Variants in GUCY1A1 observed in about 807,000 individuals in gnomAD.
GUCY1A1 encodes the protein guanylate cyclase soluble subunit alpha-1.
A neutral mutation model predicts 64.5 loss-of-function variants in GUCY1A1; 48 were observed. That is an observed-to-expected ratio of 0.74 (90% CI 0.59 to 0.95). The LOEUF (loss-of-function observed/expected upper bound fraction) is 0.95, where lower values mean the gene tolerates loss of function less well. GUCY1A1 is among the 40% of genes least tolerant of loss of function. The pLI, the probability that GUCY1A1 is intolerant of heterozygous loss-of-function variation, is 0.00. For missense variants in GUCY1A1, 804 were observed against 825.3 expected (o/e 0.97, Z 0.32); for synonymous variants, 308 against 303.4 (o/e 1.02, Z -0.16).
intron 2 of GUCY1A1, 135 bp from the exon 3 acceptor site, chr4:155,696,621 T>C (rs1730443074): frequency 2.6e-6 from 1 of 388,040 alleles, no homozygotes; most frequent in Non-Finnish European, 4.6e-6. Flanking sequence ...CTGCTCATTT[T>C]ATAATTGGCA....
At position 155,710,559 on chromosome 4, in the gene GUCY1A1, A is replaced by T. The variant is rs533029497; in HGVS notation, c.394A>T (p.Ile132Phe). Residue 132 changes from isoleucine (I) to phenylalanine (F), a missense_variant, in exon 6 of 10, where the codon ATC becomes TTC. By Grantham distance (21) the Ile-to-Phe change is conservative. Coordinates refer to ENST00000506455, the MANE Select transcript of GUCY1A1 (RefSeq NM_001130682.3). ...AVAAGVPVEV[I>F]KESLGEEVFK... ...GATTTCAGGAGTTCCAGTGGAGGTTATCAAAGAATCTCTTGGTGAAGAGGT... is the reference window on the plus strand; with the variant it reads ...GATTTCAGGAGTTCCAGTGGAGGTTTTCAAAGAATCTCTTGGTGAAGAGGT... 14 of 1,598,308 alleles carry T rather than the reference A, an allele frequency of 8.8e-6. No homozygotes were observed. Among genetic ancestry groups the T allele is most frequent in the African/African-American group, 2.7e-5 (2 of 74,240 alleles).
chr4:155,730,006 A>T, intron 9 of GUCY1A1, 24 bp from the exon 10 acceptor site: 1 of 1,366,156 alleles, frequency 7.3e-7, no homozygotes, highest in Non-Finnish European at 1.0e-6. Flanking sequence ...CATTTATGTC[A>T]GTATTATATT....
intron 4 of GUCY1A1, among the ~76,000 whole-genome samples, chr4:155,705,138 G>A (rs1335006328): frequency 1.3e-5 from 2 of 152,312 alleles, no homozygotes; most frequent in East Asian, 1.9e-4. Flanking sequence ...GCATTCACCC[G>A]CGTTGGCCTC....
At chr4:155,697,804 C>T (rs138385111) in intron 3 of GUCY1A1, among the ~76,000 whole-genome samples, 204 of 152,260 alleles carry the variant, frequency 1.3e-3, no homozygotes, top group African/African-American at 4.8e-3. Context: ...ATCTAGAGCA[C>T]CTTCTGTCAA....
At chr4:155,679,915 C>T (rs962422711) in intron 2 of GUCY1A1, among the ~76,000 whole-genome samples, 1 of 152,134 alleles carries the variant, frequency 6.6e-6, no homozygotes, top group African/African-American at 2.4e-5. Flanking sequence ...TCTCATTGAT[C>T]TCTTTGTCAC....
At chr4:155,702,143 T>C (rs1731168647) in intron 3 of GUCY1A1, among the ~76,000 whole-genome samples, 1 of 152,154 alleles carries the variant, frequency 6.6e-6, no homozygotes, top group Non-Finnish European at 1.5e-5. Flanking sequence ...GCTTCTGTTG[T>C]AATGGAAGAG....
chr4:155,684,979 T>A (rs1036300668), intron 2 of GUCY1A1, among the ~76,000 whole-genome samples: 1 of 152,170 alleles, frequency 6.6e-6, no homozygotes, highest in Non-Finnish European at 1.5e-5. Context: ...CCAGATTACA[T>A]TTTTTAGTAG....
chr4:155,713,639 C>T, intron 7 of GUCY1A1, 56 bp downstream of exon 7: 1 of 1,572,506 alleles, frequency 6.4e-7, no homozygotes, highest in Non-Finnish European at 8.7e-7. Context: ...GGGGAACAAG[C>T]ACTGTGCCTA....
Position 155,733,948 on chromosome 4 carries a change from G to A in GUCY1A1, c.*3717G>A, listed in dbSNP as rs1371956072. ...TTACCATAAGTATGAGCATAAAGCT[G>A]GGATGTCTGGCATTGGAATTTTATG... On this transcript the variant is annotated 3_prime_UTR_variant, in exon 10 of 10. Coordinates refer to ENST00000506455, the MANE Select transcript of GUCY1A1 (RefSeq NM_001130682.3). Among the ~76,000 whole-genome samples the A allele has an allele frequency of 6.6e-6, 1 of 151,834 alleles. No individual in the cohort carries two copies. Among genetic ancestry groups the A allele is most frequent in the Non-Finnish European group, 1.5e-5 (1 of 67,894 alleles).
chr4:155,688,346 G>A (rs1306380854), intron 2 of GUCY1A1, among the ~76,000 whole-genome samples: 2 of 152,118 alleles, frequency 1.3e-5, no homozygotes, highest in Non-Finnish European at 2.9e-5. Flanking sequence ...CATCAAGGAT[G>A]TAGAGGTTTT....
At position 155,730,011 on chromosome 4, in the gene GUCY1A1, T is replaced by TA; in HGVS notation, c.1872-18dup. ...AGTGGACAAACATTTATGTCAGTAT[T>TA]ATATTTTAATATTTTCAGATTACTC... On this transcript the variant is annotated intron_variant, in intron 9 of 9. Transcript: ENST00000506455. The TA allele has an allele frequency of 6.9e-7, 1 of 1,449,902 alleles. No individual in the cohort carries two copies. The highest frequency in any genetic ancestry group is 9.7e-7 in the Non-Finnish European group (1 of 1,031,910). The allele number at this position is 1,449,902 out of a possible 1,614,324, so 89.8% of individuals were successfully genotyped here.
intron 2 of GUCY1A1, among the ~76,000 whole-genome samples, chr4:155,671,805 C>CT (rs2126504229): frequency 6.6e-6 from 1 of 152,188 alleles, no homozygotes; most frequent in African/African-American, 2.4e-5. Context: ...TTAATAGTGT[C>CT]TAAGATAATA....
chr4:155,692,267 G>A lies in GUCY1A1; in HGVS notation c.-112-4489G>A, dbSNP rs571440818. 2.6e-3 allele frequency among the ~76,000 whole-genome samples: 391 copies of A among 152,218 alleles called. 1 individual carries two copies. Among genetic ancestry groups the A allele is most frequent in the Admixed American group, 6.3e-3 (97 of 15,298 alleles). On this transcript the variant is annotated intron_variant, in intron 2 of 9. Coordinates refer to ENST00000506455, the MANE Select transcript of GUCY1A1 (RefSeq NM_001130682.3). ...TTCCAACAAACATACGTGTGCATGT[G>A]TCTTTATAATAGAATGATTTATATT...
intron 2 of GUCY1A1, among the ~76,000 whole-genome samples, chr4:155,670,018 C>T (rs751706166): frequency 3.9e-5 from 6 of 152,090 alleles, no homozygotes; most frequent in Non-Finnish European, 7.4e-5. Context: ...AAAGGTAAAG[C>T]AACATTTCAG....
chr4:155,730,300 A>G lies in GUCY1A1; in HGVS notation c.*69A>G. 2 of 947,058 alleles carry G rather than the reference A, an allele frequency of 2.1e-6. No individual in the cohort carries two copies. Among genetic ancestry groups the G allele is most frequent in the Non-Finnish European group, 3.3e-6 (2 of 597,898 alleles). 58.7% of individuals were successfully genotyped at this position (947,058 alleles called of 1,614,324 possible). A position where few individuals can be genotyped will look rare whatever the true frequency, so the allele number is the denominator to read the frequency against. Reference sequence around the variant, plus strand: ...GAAGATGTGTAGAGCCTCTGAAAGCACTTTAGGGATTGTAGATGGCTAACA... The same window carrying G: ...GAAGATGTGTAGAGCCTCTGAAAGCGCTTTAGGGATTGTAGATGGCTAACA... On this transcript the variant is annotated 3_prime_UTR_variant, in exon 10 of 10. Coordinates refer to ENST00000506455, the MANE Select transcript of GUCY1A1 (RefSeq NM_001130682.3).
At position 155,732,392 on chromosome 4, in the gene GUCY1A1, C is replaced by T. The variant is rs543669452; in HGVS notation, c.*2161C>T. 6.5e-6 allele frequency: 1 copy of T among 152,932 alleles called. No homozygotes were observed. The highest frequency in any genetic ancestry group is 2.1e-4 in the South Asian group (1 of 4,814). 9.5% of individuals were successfully genotyped at this position (152,932 alleles called of 1,614,324 possible). A position where few individuals can be genotyped will look rare whatever the true frequency, so the allele number is the denominator to read the frequency against. On this transcript the variant is annotated 3_prime_UTR_variant, in exon 10 of 10. Transcript: ENST00000506455. ...AATCATCTGTGATAGGTTCCCCAGA[C>T]CAGCCTACAAAGGCCCATTAAATAC...
intron 2 of GUCY1A1, among the ~76,000 whole-genome samples, chr4:155,668,509 T>G (rs1733668593): frequency 6.6e-6 from 1 of 152,228 alleles, no homozygotes; most frequent in South Asian, 2.1e-4. Flanking sequence ...GCCTATTTAA[T>G]GAATTGATTT....
intron 5 of GUCY1A1, among the ~76,000 whole-genome samples, chr4:155,709,591 T>C (rs1732274920): frequency 1.3e-5 from 2 of 152,126 alleles, no homozygotes; most frequent in African/African-American, 2.4e-5. Context: ...CCCAGCACTT[T>C]AGGAGGCCGA....
At chr4:155,721,828 G>GA (rs905388951) in intron 8 of GUCY1A1, among the ~76,000 whole-genome samples, 1 of 152,100 alleles carries the variant, frequency 6.6e-6, no homozygotes, top group African/African-American at 2.4e-5. Context: ...AACCTAAATG[G>GA]AAAAGAGTTA....
Sources: gnomAD v4.1 joint callset for allele counts (sites outside exome capture counted in the v4.1 genomes callset) on GRCh38, gnomAD v4.1.1 for gene constraint, MANE v1.5 for transcripts, NCBI Gene and HGNC (gene_info 2026-07-23, HGNC 2026-07-21) for gene names.